NRG3: variants seen among roughly 807,000 people sequenced by gnomAD.
The protein encoded by NRG3 is neuregulin 3.
Under a neutral mutation model 66.9 loss-of-function variants are expected in NRG3, and 31 were observed. The ratio of observed to expected loss-of-function variants is 0.46; its 90% CI spans 0.35 to 0.63. The LOEUF (loss-of-function observed/expected upper bound fraction) is 0.63. NRG3 is among the 20% of genes least tolerant of loss of function. The pLI, the probability that NRG3 is intolerant of heterozygous loss-of-function variation, is 0.00. For synonymous variants in NRG3, 393 were observed against 359.4 expected, an observed-to-expected ratio of 1.09 and a Z score of -1.06; for missense variants, 910 against 878.9, an observed-to-expected ratio of 1.04 and a Z score of -0.45.
chr10:82,363,027 T>G (rs1448315650), intron 2 of NRG3, among the ~76,000 whole-genome samples: 1 of 152,184 alleles, frequency 6.6e-6, no homozygotes, highest in Non-Finnish European at 1.5e-5. Context: ...TTAACAACTT[T>G]GACACAGCAT....
chr10:82,353,039 G>C (rs770372934), intron 1 of NRG3, among the ~76,000 whole-genome samples: 9 of 152,158 alleles, frequency 5.9e-5, no homozygotes, highest in Non-Finnish European at 1.0e-4. Flanking sequence ...TTAGGAGTTA[G>C]AATCAAGAGT....
intron 1 of NRG3, among the ~76,000 whole-genome samples, chr10:82,110,954 T>C (rs900352512): frequency 3.9e-5 from 6 of 152,178 alleles, no homozygotes; most frequent in African/African-American, 1.4e-4. Context: ...GCTTTCAAAG[T>C]TACTTTGCTA....
intron 2 of NRG3, among the ~76,000 whole-genome samples, chr10:82,669,227 ACTAGTCAG>A (rs2053050156): frequency 6.7e-6 from 1 of 148,198 alleles, no homozygotes; most frequent in South Asian, 2.1e-4. Context: ...AGTAACTTGG[ACTAGTCAG>A]CCATTTATGA....
intron 4 of NRG3, among the ~76,000 whole-genome samples, chr10:82,907,928 C>T (rs543738356): frequency 6.6e-6 from 1 of 152,250 alleles, no homozygotes; most frequent in Admixed American, 6.5e-5. Flanking sequence ...AAGCTTAGAA[C>T]CTTAGCCTGA....
intron 1 of NRG3, among the ~76,000 whole-genome samples, chr10:81,898,300 C>T (rs960612027): frequency 2.0e-5 from 3 of 152,194 alleles, no homozygotes; most frequent in Non-Finnish European, 4.4e-5. Flanking sequence ...ATGGTTGTCA[C>T]ATCAGGGGAA....
At chr10:82,134,479 C>T (rs1301477500) in intron 1 of NRG3, among the ~76,000 whole-genome samples, 1 of 152,116 alleles carries the variant, frequency 6.6e-6, no homozygotes, top group Non-Finnish European at 1.5e-5. Context: ...CTGCTTATGG[C>T]TGGCCAGTTA....
rs1488757627 is a variant in NRG3 at position 82,398,524 on chromosome 10, T to TGAGA, written c.953+39657_953+39658insAGAG. Among the ~76,000 whole-genome samples the TGAGA allele has an allele frequency of 6.8e-3, 961 of 141,162 alleles. 6 individuals carry two copies. Among genetic ancestry groups the TGAGA allele is most frequent in the African/African-American group, 0.023 (837 of 37,088 alleles). 92.6% of individuals were successfully genotyped at this position (141,162 alleles called of 152,430 possible). A position where few individuals can be genotyped will look rare whatever the true frequency, so the allele number is the denominator to read the frequency against. ...GTGTGTGTGTGTGTGTGTGTGTGTGTGTGAGAGAGAGAGAGAGAGAGTATG... is the reference window on the plus strand; with the variant it reads ...GTGTGTGTGTGTGTGTGTGTGTGTGTGAGAGTGAGAGAGAGAGAGAGAGAGTATG... On this transcript the variant is annotated intron_variant, in intron 2 of 8. Transcript: ENST00000372141.
At chr10:82,661,201 C>T (rs1027131072) in intron 2 of NRG3, among the ~76,000 whole-genome samples, 3 of 152,080 alleles carry the variant, frequency 2.0e-5, no homozygotes, top group Non-Finnish European at 4.4e-5. Flanking sequence ...GTTTCAGGAG[C>T]TAGGATACAG....
At chr10:82,816,767 C>T (rs2061724569) in intron 3 of NRG3, among the ~76,000 whole-genome samples, 1 of 152,208 alleles carries the variant, frequency 6.6e-6, no homozygotes, top group Admixed American at 6.5e-5. Flanking sequence ...AGGTGGGGCT[C>T]CCAGCTGTTC....
chr10:82,105,647 C>T (rs951155578), intron 1 of NRG3, among the ~76,000 whole-genome samples: 3 of 152,120 alleles, frequency 2.0e-5, no homozygotes, highest in African/African-American at 4.8e-5. Flanking sequence ...TGATTTGAGG[C>T]ATCTGTAATG....
intron 2 of NRG3, among the ~76,000 whole-genome samples, chr10:82,479,359 G>T (rs571902428): frequency 6.6e-6 from 1 of 152,190 alleles, no homozygotes; most frequent in South Asian, 2.1e-4. Flanking sequence ...AGACAGAGAG[G>T]AAGGGGGGAA....
At chr10:81,895,302 G>A (rs1303197582) in intron 1 of NRG3, among the ~76,000 whole-genome samples, 3 of 151,922 alleles carry the variant, frequency 2.0e-5, no homozygotes, top group South Asian at 2.1e-4. Context: ...TGCCTTTTTT[G>A]CCATTAAAAA....
intron 2 of NRG3, among the ~76,000 whole-genome samples, chr10:82,479,701 C>T (rs917744881): frequency 2.7e-5 from 4 of 148,200 alleles, no homozygotes; most frequent in African/African-American, 1.0e-4. Context: ...GGCACCGGGG[C>T]TCATGCCTGT....
At chr10:82,078,993 G>C (rs1338390900) in intron 1 of NRG3, among the ~76,000 whole-genome samples, 1 of 152,050 alleles carries the variant, frequency 6.6e-6, no homozygotes, top group Admixed American at 6.5e-5. Flanking sequence ...GTATATGTGT[G>C]TTTGTGTATA....
At chr10:82,201,976 A>T (rs1048545464) in intron 1 of NRG3, among the ~76,000 whole-genome samples, 1 of 152,174 alleles carries the variant, frequency 6.6e-6, no homozygotes, top group Non-Finnish European at 1.5e-5. Context: ...ATTGATATAC[A>T]CCCATCAAAA....
At chr10:81,895,292 T>C (rs12416668) in intron 1 of NRG3, among the ~76,000 whole-genome samples, 13,390 of 152,248 alleles carry the variant, frequency 0.088, 808 homozygotes, top group Admixed American at 0.2. Flanking sequence ...CCTTAGTCTC[T>C]GCCTTTTTTG....
At chr10:82,171,947 T>G (rs1290565311) in intron 1 of NRG3, among the ~76,000 whole-genome samples, 2 of 152,118 alleles carry the variant, frequency 1.3e-5, no homozygotes, top group Non-Finnish European at 2.9e-5. Context: ...CTCAGCAATG[T>G]GCACAGCTAA....
intron 2 of NRG3, among the ~76,000 whole-genome samples, chr10:82,639,209 T>C (rs1003689280): frequency 7.2e-5 from 11 of 151,994 alleles, no homozygotes; most frequent in Admixed American, 7.2e-4. Context: ...GTTGTGGAGG[T>C]TGGAAAGTTC....
Position 82,251,811 on chromosome 10 carries a change from A to G in NRG3, c.824-106928A>G, listed in dbSNP as rs112560919. On this transcript the variant is annotated intron_variant, in intron 1 of 8. Transcript: ENST00000372141. ...CACTAAATAAAGGCCAATTAACTCC[A>G]ATCACTGCAGGCCTGGGTGCTTTCT... Among the ~76,000 whole-genome samples, 58 of 152,280 alleles carry G rather than the reference A, an allele frequency of 3.8e-4. No homozygotes were observed. The South Asian group carries it at 5.2e-3, about 14-fold the overall frequency.
Sources: allele counts gnomAD v4.1 joint callset (sites outside exome capture counted in the v4.1 genomes callset), GRCh38; gene constraint gnomAD v4.1.1; transcripts MANE v1.5; gene names NCBI Gene and HGNC (gene_info 2026-07-23, HGNC 2026-07-21).